Variants in SLC35F3 observed in about 807,000 individuals in gnomAD.
The protein encoded by SLC35F3 is putative thiamine transporter SLC35F3.
Under a neutral mutation model 49.9 loss-of-function variants are expected in SLC35F3, and 25 were observed. That is an observed-to-expected ratio of 0.50 (90% CI 0.37 to 0.70). The LOEUF is 0.70. Among genes scored for constraint, SLC35F3 ranks in the 30% least tolerant of loss-of-function variants. SLC35F3 has a pLI of 0.00. For missense variants in SLC35F3, 525 were observed against 639.8 expected, an observed-to-expected ratio of 0.82 and a Z score of 1.94; for synonymous variants, 275 against 265.4, an observed-to-expected ratio of 1.04 and a Z score of -0.35.
intron 3 of SLC35F3, among the ~76,000 whole-genome samples, chr1:234,296,134 C>T (rs1342270083): frequency 6.6e-6 from 1 of 152,160 alleles, no homozygotes; most frequent in Non-Finnish European, 1.5e-5. Context: ...CGCTGTTTCC[C>T]TCTGTTTTGC....
At chr1:234,086,889 T>C (rs1664969587) in intron 2 of SLC35F3, among the ~76,000 whole-genome samples, 1 of 152,244 alleles carries the variant, frequency 6.6e-6, no homozygotes, top group Admixed American at 6.5e-5. Context: ...TGACTTATCG[T>C]CCCTGCCTTG....
At chr1:233,911,122 G>A (rs1161085619) in intron 2 of SLC35F3, among the ~76,000 whole-genome samples, 2 of 152,174 alleles carry the variant, frequency 1.3e-5, no homozygotes, top group African/African-American at 4.8e-5. Context: ...ATGAGGTGAG[G>A]GGGAAGGGCT....
intron 3 of SLC35F3, among the ~76,000 whole-genome samples, chr1:234,275,350 A>G (rs1489955030): frequency 1.3e-5 from 2 of 151,996 alleles, no homozygotes; most frequent in Non-Finnish European, 2.9e-5. Flanking sequence ...AAAAAAAATT[A>G]GAAATTCAAA....
At chr1:234,257,708 A>G (rs1667841470) in intron 3 of SLC35F3, among the ~76,000 whole-genome samples, 1 of 151,892 alleles carries the variant, frequency 6.6e-6, no homozygotes. Context: ...AAGTGCGTTC[A>G]AGAAAGAGGA....
chr1:234,214,616 G>A lies in SLC35F3; in HGVS notation c.284-16801G>A. 6.6e-7 allele frequency: 1 copy of A among 1,508,614 alleles called. No homozygotes were observed. Among genetic ancestry groups the A allele is most frequent in the South Asian group, 1.3e-5 (1 of 79,480 alleles). The allele number at this position is 1,508,614 out of a possible 1,614,324, so 93.5% of individuals were successfully genotyped here. A position where few individuals can be genotyped will look rare whatever the true frequency, so the allele number is the denominator to read the frequency against. On this transcript the variant is annotated intron_variant, in intron 2 of 7. Transcript: ENST00000366618. The surrounding 1 kb of genome is among the most constrained non-coding windows in gnomAD (Gnocchi z 8.0). ...TCGCCCCGGGGGTCCCTGCACCCTA[G>A]CCGGGGAATGCTGCCACCCTGAGGG...
chr1:233,906,058 C>T (rs1248128259), intron 2 of SLC35F3, among the ~76,000 whole-genome samples: 1 of 152,222 alleles, frequency 6.6e-6, no homozygotes, highest in Admixed American at 6.5e-5. Flanking sequence ...CCGTGGGAAA[C>T]AGATCAGAAA....
At chr1:234,319,845 G>C (rs1657574273) in intron 6 of SLC35F3, among the ~76,000 whole-genome samples, 1 of 152,212 alleles carries the variant, frequency 6.6e-6, no homozygotes, top group Non-Finnish European at 1.5e-5. Context: ...CTTCTCAGTG[G>C]TTACCATTTC....
intron 2 of SLC35F3, among the ~76,000 whole-genome samples, chr1:233,980,040 G>A (rs1417593678): frequency 6.6e-6 from 1 of 152,218 alleles, no homozygotes; most frequent in Non-Finnish European, 1.5e-5. Context: ...AGGAGGTAGA[G>A]AGGACTGGTA....
chr1:234,156,237 A>T (rs1035360321), intron 2 of SLC35F3, among the ~76,000 whole-genome samples: 2 of 152,248 alleles, frequency 1.3e-5, no homozygotes, highest in Non-Finnish European at 2.9e-5. Context: ...TAAAAAGAAC[A>T]GTAATACTCG....
rs748493581 is a variant in SLC35F3, at chr1:234,309,304, G to A, written c.812G>A (p.Arg271Lys). 1 of 1,614,210 alleles carries A rather than the reference G, an allele frequency of 6.2e-7. No individual in the cohort carries two copies. The highest frequency in any genetic ancestry group is 8.5e-7 in the Non-Finnish European group (1 of 1,180,028). Residue 271 changes from arginine to lysine, a missense_variant, in exon 4 of 8, where the codon AGA (arginine) becomes AAA (lysine). Transcript: ENST00000366618. ...CTCTCATGGATCGTTCTCAGGGACA[G>A]ATTCATGGGAGTGAGGGTAAGTTCC... is the stretch of plus-strand genomic sequence containing the variant. ...FLLSWIVLRD[R>K]FMGVRIVAAI...
intron 2 of SLC35F3, among the ~76,000 whole-genome samples, chr1:234,153,209 A>G (rs1485958348): frequency 6.6e-6 from 1 of 152,234 alleles, no homozygotes; most frequent in Non-Finnish European, 1.5e-5. Flanking sequence ...AGACAATCAC[A>G]TGACTAGAGA....
chr1:234,290,989 T>C (rs1572137465), intron 3 of SLC35F3, among the ~76,000 whole-genome samples: 1 of 152,282 alleles, frequency 6.6e-6, no homozygotes, highest in East Asian at 1.9e-4. Context: ...CCAATAGATA[T>C]GACCTTAAAC....
At chr1:234,007,548 G>C (rs561461717) in intron 2 of SLC35F3, among the ~76,000 whole-genome samples, 1 of 152,188 alleles carries the variant, frequency 6.6e-6, no homozygotes, top group Non-Finnish European at 1.5e-5. Context: ...TATGCCGAAC[G>C]AAGTGGGGAG....
chr1:233,983,612 C>T (rs995783422), intron 2 of SLC35F3, among the ~76,000 whole-genome samples: 1 of 152,128 alleles, frequency 6.6e-6, no homozygotes, highest in South Asian at 2.1e-4. Context: ...AATTTGCATG[C>T]GAAGTTTAAG....
chr1:233,968,989 C>T (rs1170557523), intron 2 of SLC35F3, among the ~76,000 whole-genome samples: 2 of 151,026 alleles, frequency 1.3e-5, no homozygotes, highest in East Asian at 1.9e-4. Flanking sequence ...GCAAAGGACA[C>T]GATTTCAAAG....
chr1:234,247,758 GGTGGGTTGGTTGGCTGGTTCATTGTTCA>G (rs1667659552), intron 3 of SLC35F3, among the ~76,000 whole-genome samples: 1 of 147,100 alleles, frequency 6.8e-6, no homozygotes. Context: ...TCCATTGTTT[GGTGGGTTGGTTGGCTGGTTCATTGTTCA>G]GTGGGTTGGT....
chr1:234,025,984 G>A lies in SLC35F3; in HGVS notation c.283+120226G>A, dbSNP rs117035683. Among the ~76,000 whole-genome samples the A allele has an allele frequency of 1.9e-3, 294 of 152,310 alleles. 8 individuals are homozygous for A. The East Asian group carries it at 0.054, about 28-fold the overall frequency. On this transcript the variant is annotated intron_variant, in intron 2 of 7. Transcript: ENST00000366618. ...AATTAATCGTGAGTTAATTTGAGGT[G>A]AAAGGTAGTGGTCCACTTTCATTCT...
intron 2 of SLC35F3, among the ~76,000 whole-genome samples, chr1:234,196,950 A>G (rs1348902885): frequency 1.3e-5 from 2 of 152,236 alleles, no homozygotes; most frequent in Non-Finnish European, 2.9e-5. Flanking sequence ...TTGGGAAAAA[A>G]AAAGAAAGAC....
intron 2 of SLC35F3, among the ~76,000 whole-genome samples, chr1:234,164,304 C>T (rs1439398335): frequency 6.6e-6 from 1 of 151,270 alleles, no homozygotes; most frequent in South Asian, 2.1e-4. Context: ...CTTTCTCTTT[C>T]CCTCTCTTTC....
Sources: gnomAD v4.1 joint callset for allele counts (sites outside exome capture counted in the v4.1 genomes callset) on GRCh38, gnomAD v4.1.1 for gene constraint, Gnocchi (gnomAD v3.1) non-coding constraint, MANE v1.5 for transcripts, NCBI Gene and HGNC (gene_info 2026-07-23, HGNC 2026-07-21) for gene names.